Variants in RAD51B observed in about 807,000 individuals in gnomAD.
The protein encoded by RAD51B is DNA repair protein RAD51 homolog 2.
Under a neutral mutation model 42.2 loss-of-function variants are expected in RAD51B, and 38 were observed. The ratio of observed to expected loss-of-function variants is 0.90; its 90% confidence interval spans 0.70 to 1.18. The LOEUF (loss-of-function observed/expected upper bound fraction) is 1.18, where lower values mean the gene tolerates loss of function less well. Ranked by LOEUF, RAD51B falls within the 50% of genes most tolerant of loss-of-function variation. The pLI, the probability that RAD51B is intolerant of heterozygous loss-of-function variation, is 0.00. For synonymous variants in RAD51B, 154 were observed against 145.2 expected (o/e 1.06, Z -0.43); for missense variants, 373 against 400.7 (o/e 0.93, Z 0.59).
intron 7 of RAD51B, among the ~76,000 whole-genome samples, chr14:68,106,490 A>G (rs1473142806): frequency 6.6e-6 from 1 of 151,924 alleles, no homozygotes; most frequent in East Asian, 1.9e-4. Flanking sequence ...AGCCTTTTCC[A>G]TATTCAACAA....
intron 8 of RAD51B, among the ~76,000 whole-genome samples, chr14:68,294,252 T>A (rs143125717): frequency 2.0e-5 from 3 of 151,890 alleles, no homozygotes; most frequent in African/African-American, 7.2e-5. Context: ...TACCAGGTTA[T>A]CCTCCCAGAA....
At chr14:68,179,113 A>G (rs1435760251) in intron 7 of RAD51B, among the ~76,000 whole-genome samples, 1 of 152,162 alleles carries the variant, frequency 6.6e-6, no homozygotes, top group Non-Finnish European at 1.5e-5. Flanking sequence ...CTTCATTAAT[A>G]GTTTTCCTTT....
intron 7 of RAD51B, among the ~76,000 whole-genome samples, chr14:68,168,654 G>C (rs988796756): frequency 4.6e-5 from 7 of 152,108 alleles, no homozygotes; most frequent in African/African-American, 1.7e-4. Context: ...TTCAAACCAA[G>C]ATGTTGATAA....
chr14:68,038,241 T>C (rs1595299553), intron 7 of RAD51B, among the ~76,000 whole-genome samples: 2 of 152,362 alleles, frequency 1.3e-5, no homozygotes, highest in Non-Finnish European at 1.5e-5. Flanking sequence ...CGGCATGTAA[T>C]GATAGCATCT....
rs141171022 is a variant in RAD51B at position 68,347,216 on chromosome 14, T to C, written c.853+55236T>C. 3.9e-5 allele frequency among the ~76,000 whole-genome samples: 6 copies of C among 152,364 alleles called. No homozygotes were observed. In the East Asian group the frequency reaches 1.2e-3, roughly 29 times the overall value. On this transcript the variant is annotated intron_variant, in intron 8 of 10. Coordinates refer to ENST00000471583, the MANE Select transcript of RAD51B (RefSeq NM_133510.4). ...ATATCTAGCATCATTCCTGACACTT[T>C]AGCAGTATTTCATAAATGTTTATTG...
chr14:68,005,862 C>T (rs2075581759), intron 7 of RAD51B, among the ~76,000 whole-genome samples: 1 of 152,116 alleles, frequency 6.6e-6, no homozygotes, highest in African/African-American at 2.4e-5. Context: ...CTGGGGAGGC[C>T]TCAAGAAACT....
chr14:68,569,062 C>T, intron 10 of RAD51B, among the ~76,000 whole-genome samples: 1 of 152,184 alleles, frequency 6.6e-6, no homozygotes, highest in East Asian at 1.9e-4. Context: ...AGCTGAGGCC[C>T]AATGTTGTGG....
chr14:68,301,573 G>GTT (rs1178726085), intron 8 of RAD51B, among the ~76,000 whole-genome samples: 1 of 137,850 alleles, frequency 7.3e-6, no homozygotes. Flanking sequence ...AGAATGTGAG[G>GTT]TTTTTTTTTT....
At chr14:67,904,917 C>G (rs1463270829) in intron 7 of RAD51B, among the ~76,000 whole-genome samples, 2 of 146,320 alleles carry the variant, frequency 1.4e-5, no homozygotes, top group Middle Eastern at 3.7e-3. Context: ...TTTCATTTAA[C>G]TAGATCCTAT....
At chr14:68,415,810 C>T (rs1278466988) in intron 9 of RAD51B, among the ~76,000 whole-genome samples, 1 of 152,162 alleles carries the variant, frequency 6.6e-6, no homozygotes, top group Admixed American at 6.5e-5. Context: ...CTCCTCAAAT[C>T]CTCATGAAGT....
At chr14:68,372,310 A>AACCT (rs2083281212) in intron 8 of RAD51B, among the ~76,000 whole-genome samples, 1 of 152,184 alleles carries the variant, frequency 6.6e-6, no homozygotes, top group South Asian at 2.1e-4. Flanking sequence ...TTCACTACAA[A>AACCT]TGGAAACAGT....
chr14:68,590,221 G>A (rs2140075653), intron 10 of RAD51B, among the ~76,000 whole-genome samples: 1 of 152,354 alleles, frequency 6.6e-6, no homozygotes, highest in South Asian at 2.1e-4. Context: ...CTTCCAAGGA[G>A]TCTTGGGCTG....
intron 11 of RAD51B, among the ~76,000 whole-genome samples, chr14:68,666,351 C>A (rs1893032600): frequency 6.6e-6 from 1 of 152,116 alleles, no homozygotes; most frequent in Non-Finnish European, 1.5e-5. Context: ...CCCTGGCAAC[C>A]AAAGAGCCGT....
At chr14:68,000,828 A>G (rs986273375) in intron 7 of RAD51B, among the ~76,000 whole-genome samples, 2 of 152,154 alleles carry the variant, frequency 1.3e-5, no homozygotes, top group Non-Finnish European at 2.9e-5. Flanking sequence ...AAAAGTCTTT[A>G]TCCTCTGTCT....
intron 10 of RAD51B, chr14:68,562,958 G>A (rs1329354123): frequency 2.0e-6 from 2 of 985,328 alleles, no homozygotes; most frequent in African/African-American, 1.7e-5. Flanking sequence ...GGAAGCAATA[G>A]TGTGCTCCAC....
chr14:68,259,464 AAAAT>A (rs1341791209), intron 7 of RAD51B, among the ~76,000 whole-genome samples: 4 of 152,180 alleles, frequency 2.6e-5, no homozygotes, highest in African/African-American at 4.8e-5. Flanking sequence ...TAATAAAATA[AAAAT>A]AAATAAACAT....
chr14:68,271,853 A>G (rs1048337691), intron 7 of RAD51B, among the ~76,000 whole-genome samples: 2 of 152,232 alleles, frequency 1.3e-5, no homozygotes, highest in African/African-American at 4.8e-5. Context: ...TTGCTCAATA[A>G]ATGGTGGCCT....
intron 7 of RAD51B, among the ~76,000 whole-genome samples, chr14:68,207,516 A>C (rs1056971366): frequency 1.3e-5 from 2 of 152,212 alleles, no homozygotes; most frequent in African/African-American, 4.8e-5. Flanking sequence ...AAATACATCT[A>C]GAGTTTGCCA....
intron 9 of RAD51B, among the ~76,000 whole-genome samples, chr14:68,456,072 A>G (rs2085678629): frequency 6.6e-6 from 1 of 152,254 alleles, no homozygotes; most frequent in Non-Finnish European, 1.5e-5. Context: ...TCAAAAATGC[A>G]TAGTGGAAGA....
Sources: allele counts gnomAD v4.1 joint callset (sites outside exome capture counted in the v4.1 genomes callset), GRCh38; gene constraint gnomAD v4.1.1; transcripts MANE v1.5; gene names NCBI Gene and HGNC (gene_info 2026-07-23, HGNC 2026-07-21).